The following DNER variants were observed in gnomAD, a reference collection of about 807,000 sequenced individuals.
DNER encodes delta/notch like EGF repeat containing.
DNER carries 33 observed loss-of-function variants against 78.2 expected under a neutral mutation model. The observed-to-expected ratio is 0.42, with a 90% CI of 0.32 to 0.56. The LOEUF (loss-of-function observed/expected upper bound fraction) is 0.56. DNER is among the 20% of genes least tolerant of loss of function. DNER has a pLI of 0.11. For synonymous variants in DNER, 417 were observed against 384.8 expected (o/e 1.08, Z -0.98); for missense variants, 918 against 975.3 (o/e 0.94, Z 0.78).
intron 1 of DNER, among the ~76,000 whole-genome samples, chr2:229,675,041 GTT>G (rs1699279319): frequency 6.6e-6 from 1 of 152,204 alleles, no homozygotes; most frequent in South Asian, 2.1e-4. Context: ...CTGTTACACT[GTT>G]CAAAGCACAG....
intron 7 of DNER, among the ~76,000 whole-genome samples, chr2:229,476,759 C>G (rs1016151368): frequency 3.9e-5 from 6 of 151,910 alleles, no homozygotes; most frequent in Non-Finnish European, 7.4e-5. Flanking sequence ...TTTTCTAAGA[C>G]ATTATGAAGT....
At chr2:229,518,961 T>TA (rs1696038381) in intron 5 of DNER, among the ~76,000 whole-genome samples, 1 of 151,692 alleles carries the variant, frequency 6.6e-6, no homozygotes, top group Non-Finnish European at 1.5e-5. Flanking sequence ...CTCTTTTTTT[T>TA]TTTTTTATTT....
Position 229,447,411 on chromosome 2 carries a change from G to T in DNER, c.1391C>A (p.Thr464Asn). The part of the protein sequence containing the change: ...CNCSPGFTGP[T>N]CAQLIDFCAL... ...ACAGAAGTCAATAAGCTGGGCACAG[G>T]TCGGCCCTGTGAAGCCCGGGCTGCA... The change falls in exon 8 of 13, where the codon ACC becomes AAC. Residue 464 changes from threonine to asparagine, a missense_variant. Transcript: ENST00000341772. The T allele has an allele frequency of 6.2e-7, 1 of 1,613,942 alleles. No homozygotes were observed.
At chr2:229,486,910 G>T (rs1292725031) in intron 6 of DNER, among the ~76,000 whole-genome samples, 1 of 152,198 alleles carries the variant, frequency 6.6e-6, no homozygotes, top group Non-Finnish European at 1.5e-5. Context: ...GTGGGGCCTG[G>T]CAACTGAGGT....
chr2:229,691,354 C>T (rs925208978), intron 1 of DNER, among the ~76,000 whole-genome samples: 10 of 152,086 alleles, frequency 6.6e-5, no homozygotes, highest in African/African-American at 1.9e-4. Flanking sequence ...ATTTCTACCA[C>T]ATCGCAGCTC....
intron 9 of DNER, among the ~76,000 whole-genome samples, chr2:229,408,085 T>G (rs1693428987): frequency 3.9e-5 from 6 of 152,102 alleles, no homozygotes; most frequent in Admixed American, 3.9e-4. Flanking sequence ...TCAGCACTCG[T>G]TTAACAAAGA....
chr2:229,513,110 T>G (rs959780180), intron 5 of DNER, among the ~76,000 whole-genome samples, 174 bp from the exon 6 acceptor site: 2 of 152,206 alleles, frequency 1.3e-5, no homozygotes, highest in African/African-American at 4.8e-5. Flanking sequence ...AGTAGTTTCT[T>G]TACAGTCTAA....
At chr2:229,393,799 T>G (rs974434966) in intron 10 of DNER, among the ~76,000 whole-genome samples, 6 of 150,890 alleles carry the variant, frequency 4.0e-5, no homozygotes, top group African/African-American at 1.5e-4. Context: ...GTGAGCCGGG[T>G]TCATGCCACT....
intron 1 of DNER, among the ~76,000 whole-genome samples, chr2:229,661,744 C>A (rs967047427): frequency 6.6e-6 from 1 of 152,102 alleles, no homozygotes; most frequent in African/African-American, 2.4e-5. Flanking sequence ...TATGAACTCG[C>A]GGGAGTGGAA....
intron 8 of DNER, among the ~76,000 whole-genome samples, chr2:229,437,450 T>C (rs1694146347): frequency 6.6e-6 from 1 of 152,214 alleles, no homozygotes; most frequent in South Asian, 2.1e-4. Context: ...TGTCCCCAGG[T>C]TGTTGTATAA....
At position 229,390,900 on chromosome 2, in the gene DNER, T is replaced by A. The variant is rs573835060; in HGVS notation, c.1724-2504A>T. ...CTATGCATCTAGTTGAATCAGTTAT[T>A]CCTTGGGTTTATTGTAATGGCCTCT... On this transcript the variant is annotated intron_variant, in intron 10 of 12. Transcript: ENST00000341772. 1.6e-4 allele frequency among the ~76,000 whole-genome samples: 25 copies of A among 152,318 alleles called. No individual in the cohort carries two copies. In the South Asian group the frequency reaches 5.2e-3, roughly 32 times the overall value.
At chr2:229,492,656 A>T (rs942445435) in intron 6 of DNER, among the ~76,000 whole-genome samples, 3 of 148,822 alleles carry the variant, frequency 2.0e-5, no homozygotes, top group African/African-American at 7.3e-5. Flanking sequence ...TAAAACTCAC[A>T]ACTCATTTTT....
chr2:229,450,748 G>A (rs1490508492), intron 7 of DNER, among the ~76,000 whole-genome samples: 1 of 152,198 alleles, frequency 6.6e-6, no homozygotes, highest in Non-Finnish European at 1.5e-5. Context: ...AGGCCAAGGA[G>A]AGAGGCCTCA....
intron 1 of DNER, among the ~76,000 whole-genome samples, chr2:229,713,942 C>T (rs1699949566): frequency 6.6e-6 from 1 of 152,152 alleles, no homozygotes; most frequent in Admixed American, 6.5e-5. Context: ...CGGCTGGCCC[C>T]GCCCGGGAAC....
At chr2:229,418,921 C>CA (rs5839324) in intron 8 of DNER, among the ~76,000 whole-genome samples, 28,290 of 149,166 alleles carry the variant, frequency 0.19, 2,809 homozygotes, top group South Asian at 0.24. Flanking sequence ...AACTCCATCT[C>CA]AAAAAAAAAA....
At chr2:229,430,706 A>T (rs1358960682) in intron 8 of DNER, among the ~76,000 whole-genome samples, 1 of 148,570 alleles carries the variant, frequency 6.7e-6, no homozygotes, top group Non-Finnish European at 1.5e-5. Context: ...ATATATATAT[A>T]TTCCATTAAT....
rs189918133 is a variant in DNER, at chr2:229,433,390, A to G, written c.1486+13926T>C. On this transcript the variant is annotated intron_variant, in intron 8 of 12. Transcript: ENST00000341772. Reference sequence around the variant, plus strand: ...TGATCTACCAGCCATCGGCACATGGACTAAAGGAAGCTACCCTCCTCTCGA... The same window carrying G: ...TGATCTACCAGCCATCGGCACATGGGCTAAAGGAAGCTACCCTCCTCTCGA... Among the ~76,000 whole-genome samples the G allele has an allele frequency of 2.6e-5, 4 of 152,348 alleles. 1 individual carries two copies. The highest frequency in any genetic ancestry group is 2.0e-4 in the Admixed American group (3 of 15,306).
chr2:229,462,600 C>T (rs571846198), intron 7 of DNER, among the ~76,000 whole-genome samples: 8 of 152,146 alleles, frequency 5.3e-5, no homozygotes, highest in Non-Finnish European at 1.0e-4. Flanking sequence ...ATTAATATTT[C>T]GCTCCCATTA....
intron 7 of DNER, 56 bp downstream of exon 7, chr2:229,477,084 T>G: frequency 7.3e-7 from 1 of 1,377,636 alleles, no homozygotes; most frequent in Non-Finnish European, 1.0e-6. Flanking sequence ...GCTGATCAAA[T>G]TAGTTTATGA....
Sources: gnomAD v4.1 joint callset for allele counts (sites outside exome capture counted in the v4.1 genomes callset) on GRCh38, gnomAD v4.1.1 for gene constraint, MANE v1.5 for transcripts, NCBI Gene and HGNC (gene_info 2026-07-23, HGNC 2026-07-21) for gene names.